The following ANO7 variants were observed in gnomAD, a reference collection of about 807,000 sequenced individuals.
The protein encoded by ANO7 is anoctamin 7.
In ANO7, 114 loss-of-function variants were observed where a neutral mutation model predicts 115.8. The observed-to-expected ratio is 0.98, with a 90% CI of 0.85 to 1.15. The LOEUF (loss-of-function observed/expected upper bound fraction) is 1.15. Ranked by LOEUF, ANO7 falls within the 50% of genes most tolerant of loss-of-function variation. ANO7 has a pLI of 0.00. For synonymous variants in ANO7, 550 were observed against 498.2 expected (o/e 1.10, Z -1.38); for missense variants, 1,302 against 1,201.2 (o/e 1.08, Z -1.24).
At chr2:241,219,257 C>G (rs900361557) in intron 21 of ANO7, among the ~76,000 whole-genome samples, 1 of 152,198 alleles carries the variant, frequency 6.6e-6, no homozygotes, top group Non-Finnish European at 1.5e-5. Flanking sequence ...TGGAGCAAAT[C>G]TCAGCAGTAA....
chr2:241,212,032 G>A (rs971215081), intron 15 of ANO7, 62 bp from the exon 16 acceptor site: 3 of 1,362,844 alleles, frequency 2.2e-6, no homozygotes, highest in Non-Finnish European at 3.1e-6. Context: ...CTAGGAGAGG[G>A]GGCCCCTAGT....
At chr2:241,238,653 GTT>G in the ANO7 span, 1 of 1,566,070 alleles carries the variant, frequency 6.4e-7, no homozygotes, top group Non-Finnish European at 8.7e-7. This position sits in a 1 kb window ranked among gnomAD's most constrained non-coding sequence, Gnocchi z 4.9. Flanking sequence ...ACCCACCTGC[GTT>G]CTCCTCTCTG....
chr2:241,235,336 GT>G, the ANO7 span: 1 of 1,588,406 alleles, frequency 6.3e-7, no homozygotes, highest in Non-Finnish European at 8.6e-7. Context: ...CCCAGAAGTG[GT>G]GAGAGGGAAG....
the ANO7 span, chr2:241,239,820 C>A: frequency 6.2e-7 from 1 of 1,613,560 alleles, no homozygotes; most frequent in Non-Finnish European, 8.5e-7. The surrounding 1 kb of genome is among the most constrained non-coding windows in gnomAD (Gnocchi z 4.6). Flanking sequence ...ACCACATTAT[C>A]CTGCAGTGTT....
At chr2:241,196,667 C>T (rs1006020346) in intron 4 of ANO7, among the ~76,000 whole-genome samples, 2 of 152,248 alleles carry the variant, frequency 1.3e-5, no homozygotes, top group African/African-American at 2.4e-5. Flanking sequence ...GTCATTCCTG[C>T]GGTGAGGCCC....
chr2:241,195,920 C>G, intron 4 of ANO7, 75 bp downstream of exon 4: 1 of 1,613,190 alleles, frequency 6.2e-7, no homozygotes. Flanking sequence ...CCGCATGAGG[C>G]CTGAGGGCAT....
At chr2:241,236,742 T>C in the ANO7 span, 1 of 1,614,066 alleles carries the variant, frequency 6.2e-7, no homozygotes, top group Non-Finnish European at 8.5e-7. Context: ...GTCCCCATTC[T>C]CCTGGACAAC....
the ANO7 span, among the ~76,000 whole-genome samples, chr2:241,236,977 T>TGG: frequency 2.8e-5 from 3 of 108,238 alleles, no homozygotes; most frequent in Non-Finnish European, 5.6e-5. Context: ...TCCCAGACCT[T>TGG]GGGGGGGGGG....
At position 241,225,797 on chromosome 2, in the gene ANO7, C is replaced by G. The variant is rs11693214; in HGVS notation, c.*1644C>G. Among the ~76,000 whole-genome samples, 30,326 of 152,178 alleles carry G rather than the reference C, an allele frequency of 0.2. 3,531 individuals carry two copies. Among genetic ancestry groups the G allele is most frequent in the Middle Eastern group, 0.34 (100 of 294 alleles). ...GCTCACAGCGCCCTGGGGCTGGACACCACCGGCCGGAGCATGGCGGACAGC... is the reference window on the plus strand; with the variant it reads ...GCTCACAGCGCCCTGGGGCTGGACAGCACCGGCCGGAGCATGGCGGACAGC... On this transcript the variant is annotated 3_prime_UTR_variant, in exon 25 of 25. Coordinates refer to ENST00000674324, the MANE Select transcript of ANO7 (RefSeq NM_001370694.2).
At chr2:241,194,597 C>T (rs1196038246) in intron 3 of ANO7, among the ~76,000 whole-genome samples, 1 of 152,190 alleles carries the variant, frequency 6.6e-6, no homozygotes, top group African/African-American at 2.4e-5. Flanking sequence ...GGATGACAGG[C>T]GTGAGCCACC....
the ANO7 span, among the ~76,000 whole-genome samples, chr2:241,234,802 C>T: frequency 1.3e-5 from 2 of 152,236 alleles, no homozygotes; most frequent in Admixed American, 1.3e-4. Context: ...CTGCATAGCA[C>T]ATGCTTGGGG....
chr2:241,201,285 C>T lies in ANO7; in HGVS notation c.555-13C>T, dbSNP rs1365843042. The T allele has an allele frequency of 1.3e-6, 2 of 1,598,924 alleles. No individual in the cohort carries two copies. Among genetic ancestry groups the T allele is most frequent in the South Asian group, 2.2e-5 (2 of 89,760 alleles). On this transcript the variant is annotated splice_polypyrimidine_tract_variant and intron_variant, in intron 6 of 24. Transcript: ENST00000674324. ...CTTCCTCCAAACCTTCTGCACTGTT[C>T]ACATGCCCACAGCTTCCTCGGGAGT...
the ANO7 span, chr2:241,236,649 T>C: frequency 2.5e-6 from 4 of 1,614,068 alleles, no homozygotes; most frequent in African/African-American, 1.3e-5. Context: ...ACACTTTTCT[T>C]TCCGGCCAGA....
the ANO7 span, chr2:241,239,713 C>A: frequency 1.9e-6 from 3 of 1,614,176 alleles, no homozygotes; most frequent in Non-Finnish European, 2.5e-6. The surrounding 1 kb of genome is among the most constrained non-coding windows in gnomAD (Gnocchi z 4.6). Flanking sequence ...AGCTGACCAT[C>A]ACCCCGCCAT....
chr2:241,217,690 G>A lies in ANO7; in HGVS notation c.1977G>A (p.Leu659=), dbSNP rs1346352473. ...GCCGTGACCCCCTCCCCGCAGTGCT[G>A]CAGTTCGGCTTCGTCACCATCTTCG... ...GLFDEYLEMV[L]QFGFVTIFVA... The change falls in exon 20 of 25, where the codon CTG becomes CTA. Residue 659 remains leucine (L), a synonymous_variant. Coordinates refer to ENST00000674324, the MANE Select transcript of ANO7 (RefSeq NM_001370694.2). The A allele has an allele frequency of 6.3e-7, 1 of 1,583,350 alleles. No individual in the cohort carries two copies. Among genetic ancestry groups the A allele is most frequent in the Non-Finnish European group, 8.6e-7 (1 of 1,165,562 alleles).
rs1364192116 is a variant in ANO7 at position 241,223,782 on chromosome 2, G to A, written c.2532+1G>A. ...TAAGCAGGCACTGGCTGAGAATGAG[G>A]TGAACTGTACAGCCCAGTCTCGGCC... On this transcript the variant is annotated splice_donor_variant, in intron 23 of 24. Transcript: ENST00000674324. LOFTEE classifies it high-confidence loss of function. The A allele has an allele frequency of 1.2e-6, 2 of 1,614,234 alleles. No homozygotes were observed. Among genetic ancestry groups the A allele is most frequent in the East Asian group, 2.2e-5 (1 of 44,886 alleles).
At chr2:241,210,656 A>G in intron 15 of ANO7, 86 bp downstream of exon 15, 1 of 1,055,430 alleles carries the variant, frequency 9.5e-7, no homozygotes, top group South Asian at 1.3e-5. Context: ...ACTCACTGAC[A>G]CACATGGCCC....
chr2:241,230,162 C>T (rs911251487), downstream of ANO7: 7 of 1,612,550 alleles, frequency 4.3e-6, no homozygotes, highest in Admixed American at 1.0e-4. The surrounding 1 kb of genome is among the most constrained non-coding windows in gnomAD (Gnocchi z 5.0). Context: ...CGTATTCCTC[C>T]TCCAGATTGA....
At chr2:241,226,719 C>T (rs567683476), downstream of ANO7, among the ~76,000 whole-genome samples, 16 of 152,306 alleles carry the variant, frequency 1.1e-4, no homozygotes, top group African/African-American at 2.9e-4. Context: ...CCACCGTACC[C>T]GGCCAACATG....
Sources: gnomAD v4.1 joint callset for allele counts (sites outside exome capture counted in the v4.1 genomes callset) on GRCh38, gnomAD v4.1.1 for gene constraint, Gnocchi (gnomAD v3.1) non-coding constraint, MANE v1.5 for transcripts, NCBI Gene and HGNC (gene_info 2026-07-23, HGNC 2026-07-21) for gene names.